The following TBC1D14 variants were observed in gnomAD, a reference collection of about 807,000 sequenced individuals.
The protein encoded by TBC1D14 is TBC1 domain family member 14.
Under a neutral mutation model 79.0 loss-of-function variants are expected in TBC1D14, and 26 were observed. That is an observed-to-expected ratio of 0.33 (90% CI 0.24 to 0.46). The LOEUF is 0.46. Ranked by LOEUF, TBC1D14 falls within the 20% of genes least tolerant of loss-of-function variation. The probability of loss-of-function intolerance (pLI) is 1.00; values close to 1 mark genes in which losing one functional copy is unlikely to be tolerated. For synonymous variants in TBC1D14, 394 were observed against 349.9 expected (o/e 1.13, Z -1.40); for missense variants, 769 against 887.6 (o/e 0.87, Z 1.70).
chr4:7,024,760 A>G lies in TBC1D14; in HGVS notation c.1758-244A>G, dbSNP rs114976890. ...GGCTCAGCACATATTCCTTGCAGGC[A>G]GGAGTCGTTGCTGTCAGTCATTCGG... On this transcript the variant is annotated intron_variant, in intron 12 of 13. Coordinates refer to ENST00000409757, the MANE Select transcript of TBC1D14 (RefSeq NM_020773.3). Among the ~76,000 whole-genome samples, 199 of 152,336 alleles carry G rather than the reference A, an allele frequency of 1.3e-3. 2 individuals carry two copies. Among genetic ancestry groups the G allele is most frequent in the African/African-American group, 4.7e-3 (194 of 41,580 alleles).
chr4:7,000,081 A>T (rs1719506484), intron 6 of TBC1D14, among the ~76,000 whole-genome samples: 1 of 152,122 alleles, frequency 6.6e-6, no homozygotes, highest in South Asian at 2.1e-4. Context: ...CCACTAGGAA[A>T]ATATGCTCAG....
intron 3 of TBC1D14, among the ~76,000 whole-genome samples, chr4:6,968,363 G>A (rs1715890550): frequency 1.3e-5 from 2 of 152,292 alleles, no homozygotes; most frequent in South Asian, 4.1e-4. Context: ...TAATTGCTAT[G>A]GGGATCATGT....
chr4:6,928,529 T>C (rs141934082), intron 2 of TBC1D14, among the ~76,000 whole-genome samples: 8 of 152,304 alleles, frequency 5.3e-5, no homozygotes, highest in Admixed American at 1.3e-4. Context: ...ATGGCACCTC[T>C]TGTAAACAGT....
intron 2 of TBC1D14, among the ~76,000 whole-genome samples, chr4:6,941,073 G>C (rs976681717): frequency 6.6e-6 from 1 of 152,002 alleles, no homozygotes; most frequent in Non-Finnish European, 1.5e-5. Context: ...TGGCTGTTCC[G>C]TGATCAACCA....
At chr4:7,004,522 G>A (rs1248124879) in intron 7 of TBC1D14, among the ~76,000 whole-genome samples, 6 of 152,212 alleles carry the variant, frequency 3.9e-5, no homozygotes, top group Admixed American at 3.9e-4. Context: ...GAGCTTCACC[G>A]TCTTGCCCCA....
intron 3 of TBC1D14, chr4:6,987,177 C>G: frequency 6.6e-6 from 8 of 1,214,302 alleles, no homozygotes; most frequent in Non-Finnish European, 8.2e-6. Context: ...CGGATCGCCT[C>G]GCTGTGTCTG....
rs1199764196 is a variant in TBC1D14 at position 7,014,517 on chromosome 4, A to G, written c.1717A>G (p.Lys573Glu). The change falls in exon 12 of 14, where the codon AAG (lysine) becomes GAG (glutamate). Residue 573 changes from lysine to glutamate, a missense_variant. By Grantham distance (56) the Lys-to-Glu change is moderately conservative. Around this residue, in one of 2 missense-constraint regions of TBC1D14, gnomAD observed 367 missense variants for 494.4 expected, o/e 0.74. Coordinates refer to ENST00000409757, the MANE Select transcript of TBC1D14 (RefSeq NM_020773.3). The stretch of plus-strand genomic sequence containing the variant: ...TTTGCCGAAATTATTTGCGCATTTC[A>G]AGAAGAACAACCTAACTCCAGATAT... Reference protein sequence around the residue: ...ENLPKLFAHFKKNNLTPDIYL... With the variant: ...ENLPKLFAHFEKNNLTPDIYL... 3 of 1,614,024 alleles carry G rather than the reference A, an allele frequency of 1.9e-6. No individual in the cohort carries two copies. The highest frequency in any genetic ancestry group is 3.3e-5 in the Admixed American group (2 of 60,030).
At chr4:7,001,349 A>C in intron 7 of TBC1D14, 98 bp downstream of exon 7, 1 of 1,019,098 alleles carries the variant, frequency 9.8e-7, no homozygotes, top group Non-Finnish European at 1.5e-6. Flanking sequence ...CATTGCCACG[A>C]ATCTGTGTCT....
intron 1 of TBC1D14, among the ~76,000 whole-genome samples, chr4:6,921,942 G>A (rs578167969): frequency 2.6e-5 from 4 of 152,190 alleles, no homozygotes; most frequent in African/African-American, 7.2e-5. Context: ...CGACCTGCCC[G>A]CCTCAGCCTC....
At position 6,924,127 on chromosome 4, in the gene TBC1D14, C is replaced by T. The variant is rs759813022; in HGVS notation, c.722+16C>T. The stretch of plus-strand genomic sequence containing the variant: ...TCTTTGCAAGGTAATGCCATCTTTG[C>T]CCTCTAGAAGATCGTGGTGGTTGAG... On this transcript the variant is annotated intron_variant, in intron 2 of 13. Coordinates refer to ENST00000409757, the MANE Select transcript of TBC1D14 (RefSeq NM_020773.3). 2.0e-5 allele frequency: 32 copies of T among 1,602,222 alleles called. No homozygotes were observed. Among genetic ancestry groups the T allele is most frequent in the Non-Finnish European group, 2.6e-5 (31 of 1,174,134 alleles).
intron 13 of TBC1D14, among the ~76,000 whole-genome samples, chr4:7,029,503 C>T (rs1560374989): frequency 6.6e-6 from 1 of 152,240 alleles, no homozygotes; most frequent in Non-Finnish European, 1.5e-5. Context: ...GTTAGTGTTG[C>T]TGCAATTGCT....
intron 2 of TBC1D14, among the ~76,000 whole-genome samples, chr4:6,941,438 G>A (rs985389694): frequency 6.6e-6 from 1 of 152,124 alleles, no homozygotes; most frequent in Non-Finnish European, 1.5e-5. Context: ...TGCCGTCTTG[G>A]CCACCCAAAG....
intron 12 of TBC1D14, among the ~76,000 whole-genome samples, chr4:7,019,797 G>A (rs368304851): frequency 2.1e-4 from 18 of 85,586 alleles, no homozygotes; most frequent in South Asian, 3.5e-4. Context: ...GTGGGTATGT[G>A]AACCCTGCTG....
chr4:7,030,415 C>T lies in TBC1D14; in HGVS notation c.*23C>T, dbSNP rs753039766. On this transcript the variant is annotated 3_prime_UTR_variant, in exon 14 of 14. Transcript: ENST00000409757. ...TGAGGCTGCAGCGGGAATTCGCACTCGGCACCAATCAGAGCCCCATGCCGC... is the reference window on the plus strand; with the variant it reads ...TGAGGCTGCAGCGGGAATTCGCACTTGGCACCAATCAGAGCCCCATGCCGC... 9.9e-6 allele frequency: 16 copies of T among 1,613,024 alleles called. No individual in the cohort carries two copies. The highest frequency in any genetic ancestry group is 6.7e-5 in the African/African-American group (5 of 74,914).
At chr4:6,912,175 G>T (rs1412803275) in intron 1 of TBC1D14, among the ~76,000 whole-genome samples, 1 of 152,034 alleles carries the variant, frequency 6.6e-6, no homozygotes, top group Non-Finnish European at 1.5e-5. Context: ...TGGATCACAA[G>T]GTCAGGAGAT....
chr4:6,912,812 C>G (rs1040252818), intron 1 of TBC1D14, among the ~76,000 whole-genome samples: 1 of 152,150 alleles, frequency 6.6e-6, no homozygotes, highest in Non-Finnish European at 1.5e-5. Context: ...AAGATAGGGT[C>G]TCTTACTGTC....
intron 4 of TBC1D14, among the ~76,000 whole-genome samples, chr4:6,994,832 C>T (rs545909797): frequency 6.6e-6 from 1 of 151,322 alleles, no homozygotes; most frequent in Admixed American, 6.6e-5. Context: ...TAATTACACT[C>T]CAGCCTGGGC....
intron 2 of TBC1D14, among the ~76,000 whole-genome samples, chr4:6,955,373 GT>G (rs1714528700): frequency 6.6e-6 from 1 of 152,178 alleles, no homozygotes; most frequent in African/African-American, 2.4e-5. Flanking sequence ...GGGCCTCGGT[GT>G]CCTGTCCGTA....
chr4:6,997,698 A>G (rs1243561951), intron 5 of TBC1D14, among the ~76,000 whole-genome samples: 1 of 152,230 alleles, frequency 6.6e-6, no homozygotes, highest in Non-Finnish European at 1.5e-5. Flanking sequence ...CTTAAAAAGG[A>G]AGGAAATTCT....
Sources: allele counts gnomAD v4.1 joint callset (sites outside exome capture counted in the v4.1 genomes callset), GRCh38; gene constraint gnomAD v4.1.1; regional missense constraint gnomAD v4.1.1; transcripts MANE v1.5; gene names NCBI Gene and HGNC (gene_info 2026-07-23, HGNC 2026-07-21).